RUFY2: variants seen among roughly 807,000 people sequenced by gnomAD.
RUFY2 encodes the protein RUN and FYVE domain containing 2, also known as RUN and FYVE domain-containing protein 2.
RUFY2 carries 49 observed loss-of-function variants against 94.4 expected under a neutral mutation model. The observed-to-expected ratio is 0.52, with a 90% confidence interval of 0.41 to 0.66. The LOEUF is 0.66. Among genes scored for constraint, RUFY2 ranks in the 30% least tolerant of loss-of-function variants. RUFY2 has a pLI of 0.00. For synonymous variants in RUFY2, 255 were observed against 235.7 expected (o/e 1.08, Z -0.75); for missense variants, 541 against 692.8 (o/e 0.78, Z 2.46).
intron 13 of RUFY2, among the ~76,000 whole-genome samples, chr10:68,372,764 C>G (rs2048366951): frequency 6.6e-6 from 1 of 151,790 alleles, no homozygotes; most frequent in African/African-American, 2.4e-5. Flanking sequence ...CAAAAATTAG[C>G]CAGGTATGGT....
chr10:68,404,618 A>G, intron 2 of RUFY2, 53 bp downstream of exon 2: 3 of 1,340,102 alleles, frequency 2.2e-6, no homozygotes, highest in Non-Finnish European at 3.0e-6. Flanking sequence ...TCTCAAGGGC[A>G]CTTGAAAAAC....
At chr10:68,364,380 C>G (rs1209864843) in intron 13 of RUFY2, among the ~76,000 whole-genome samples, 4 of 152,224 alleles carry the variant, frequency 2.6e-5, no homozygotes, top group African/African-American at 9.6e-5. Context: ...ATAAATATTG[C>G]ATAAGCATAG....
intron 10 of RUFY2, among the ~76,000 whole-genome samples, chr10:68,381,661 A>G (rs896769738): frequency 1.3e-5 from 2 of 152,142 alleles, no homozygotes; most frequent in African/African-American, 2.4e-5. Flanking sequence ...CCTGACCAAC[A>G]TGGTGAAACT....
At chr10:68,396,112 C>T (rs1424275128) in intron 4 of RUFY2, among the ~76,000 whole-genome samples, 1 of 152,240 alleles carries the variant, frequency 6.6e-6, no homozygotes, top group Admixed American at 6.5e-5. Context: ...GATTCTCCTG[C>T]CTCAGCCTCC....
chr10:68,394,215 A>C, intron 5 of RUFY2, 79 bp from the exon 6 acceptor site: 1 of 1,549,424 alleles, frequency 6.5e-7, no homozygotes, highest in Non-Finnish European at 8.7e-7. Flanking sequence ...TGTTACTCTT[A>C]ATATTCCTTT....
chr10:68,341,359 A>G (rs765023683), downstream of RUFY2: 10 of 1,554,618 alleles, frequency 6.4e-6, no homozygotes, highest in Non-Finnish European at 8.7e-6. Context: ...GTGAATTTAT[A>G]AAATAAGAGG....
At chr10:68,354,317 T>C (rs931249584) in intron 16 of RUFY2, among the ~76,000 whole-genome samples, 2 of 151,916 alleles carry the variant, frequency 1.3e-5, no homozygotes, top group African/African-American at 4.8e-5. Context: ...GCTGAGACTA[T>C]AGACCTGCAC....
At chr10:68,377,086 C>A in intron 12 of RUFY2, 114 bp from the exon 13 acceptor site, 10 of 1,511,874 alleles carry the variant, frequency 6.6e-6, no homozygotes, top group Non-Finnish European at 8.8e-6. Context: ...TAAATGAAAA[C>A]AAAGTTTGGG....
At position 68,371,257 on chromosome 10, in the gene RUFY2, T is replaced by C. The variant is rs1487586174; in HGVS notation, c.1325+5596A>G. On this transcript the variant is annotated intron_variant, in intron 13 of 17. Coordinates refer to ENST00000602465, the MANE Select transcript of RUFY2 (RefSeq NM_001330103.2). ...TAAGATGGTGAAACCCCGTATCTAC[T>C]AAAAATACAAAAAAATTAGCCAGGC... 4.0e-5 allele frequency among the ~76,000 whole-genome samples: 6 copies of C among 151,084 alleles called. No homozygotes were observed. In the East Asian group the frequency reaches 9.8e-4, roughly 25 times the overall value.
chr10:68,350,210 A>G (rs1398915185), intron 16 of RUFY2, among the ~76,000 whole-genome samples: 5 of 151,916 alleles, frequency 3.3e-5, no homozygotes, highest in African/African-American at 9.7e-5. Flanking sequence ...GGGTTTCACC[A>G]TGTTGGCCAG....
chr10:68,356,552 A>T (rs2047069507), intron 15 of RUFY2, among the ~76,000 whole-genome samples: 1 of 151,538 alleles, frequency 6.6e-6, no homozygotes, highest in Admixed American at 6.6e-5. Context: ...AGCTGCAAAT[A>T]CTTTCCCACT....
chr10:68,383,206 T>TC (rs1334097930), intron 10 of RUFY2, among the ~76,000 whole-genome samples: 1 of 151,746 alleles, frequency 6.6e-6, no homozygotes, highest in African/African-American at 2.4e-5. Flanking sequence ...ATGCCTGTAG[T>TC]CCCAGCTACT....
At chr10:68,355,451 A>T (rs1458078677) in intron 15 of RUFY2, 50 bp from the exon 16 acceptor site, 1 of 1,144,022 alleles carries the variant, frequency 8.7e-7, no homozygotes, top group African/African-American at 1.5e-5. Flanking sequence ...ATTTAAATAT[A>T]GAACACTTAG....
intron 10 of RUFY2, among the ~76,000 whole-genome samples, chr10:68,383,068 TA>T (rs2049200993): frequency 6.6e-6 from 1 of 152,256 alleles, no homozygotes; most frequent in Non-Finnish European, 1.5e-5. Context: ...CTTATGCCTA[TA>T]ATCACAGCAC....
At chr10:68,366,761 A>ATATATAT (rs1564801460) in intron 13 of RUFY2, among the ~76,000 whole-genome samples, 50 of 120,704 alleles carry the variant, frequency 4.1e-4, no homozygotes, top group African/African-American at 1.3e-3. Flanking sequence ...TATATATATA[A>ATATATAT]TATTAAATAT....
intron 15 of RUFY2, among the ~76,000 whole-genome samples, chr10:68,361,580 C>T (rs2047466456): frequency 6.6e-6 from 1 of 152,170 alleles, no homozygotes; most frequent in South Asian, 2.1e-4. Flanking sequence ...TGAAATCTTG[C>T]TTATCAGAAC....
intron 14 of RUFY2, 66 bp from the exon 15 acceptor site, chr10:68,363,750 A>G: frequency 9.7e-7 from 1 of 1,034,352 alleles, no homozygotes; most frequent in Non-Finnish European, 1.4e-6. Context: ...CAGATTGTAC[A>G]TATACCATTA....
At chr10:68,406,991 C>G (rs936894234) in intron 1 of RUFY2, 195 bp downstream of exon 1, 1 of 1,516,860 alleles carries the variant, frequency 6.6e-7, no homozygotes, top group Non-Finnish European at 8.8e-7. Context: ...CGGGCCGGAA[C>G]AAGGGAGGGG....
chr10:68,378,118 G>A lies in RUFY2; in HGVS notation c.1206-1146C>T, dbSNP rs2048788782. On this transcript the variant is annotated intron_variant, in intron 12 of 17. Coordinates refer to ENST00000602465, the MANE Select transcript of RUFY2 (RefSeq NM_001330103.2). ...GAAAACTGAGAAGCTGAAGCACAGGGTGTTGGCCAGTCTGGGTTATAAATT... is the reference window on the plus strand; with the variant it reads ...GAAAACTGAGAAGCTGAAGCACAGGATGTTGGCCAGTCTGGGTTATAAATT... 5.1e-5 allele frequency: 50 copies of A among 985,630 alleles called. 1 individual carries two copies. In the South Asian group the frequency reaches 2.2e-3, roughly 43 times the overall value. The allele number at this position is 985,630 out of a possible 1,614,324, so 61.1% of individuals were successfully genotyped here. A position where few individuals can be genotyped will look rare whatever the true frequency, so the allele number is the denominator to read the frequency against.
Sources: allele counts gnomAD v4.1 joint callset (sites outside exome capture counted in the v4.1 genomes callset), GRCh38; gene constraint gnomAD v4.1.1; transcripts MANE v1.5; gene names NCBI Gene and HGNC (gene_info 2026-07-23, HGNC 2026-07-21).